Variants in CES5A observed in about 807,000 individuals in gnomAD.
CES5A encodes the protein carboxylesterase 5.
In CES5A, 67 loss-of-function variants were observed where a neutral mutation model predicts 62.9. The ratio of observed to expected loss-of-function variants is 1.07; its 90% confidence interval spans 0.88 to 1.31. CES5A has a LOEUF of 1.31. Ranked by LOEUF, CES5A falls within the 50% of genes most tolerant of loss-of-function variation. The pLI, the probability that CES5A is intolerant of heterozygous loss-of-function variation, is 0.00. For missense variants in CES5A, 748 were observed against 708.5 expected, an observed-to-expected ratio of 1.06 and a Z score of -0.63; for synonymous variants, 296 against 280.8, an observed-to-expected ratio of 1.05 and a Z score of -0.54.
chr16:55,871,882 A>G (rs2033597295), intron 2 of CES5A, 119 bp from the exon 3 acceptor site: 2 of 1,012,054 alleles, frequency 2.0e-6, no homozygotes, highest in South Asian at 1.6e-5. Flanking sequence ...CAGAAGAGGC[A>G]GCTACCGGTA....
Position 55,871,706 on chromosome 16 carries a change from G to A in CES5A, c.336C>T (p.Tyr112=), listed in dbSNP as rs758432457. The change falls in exon 3 of 13, where the codon TAC becomes TAT. Residue 112 remains tyrosine, a synonymous_variant. Coordinates refer to ENST00000290567, the MANE Select transcript of CES5A (RefSeq NM_001143685.2). ...LLDQHMLKVH[Y]PKFGVSEDCL... is the part of the protein sequence containing the mutation. ...AGTCTTCTGACACTCCGAATTTCGGGTAATGCACCTTGAGCATATGTTGAT... is the reference window on the plus strand; with the variant it reads ...AGTCTTCTGACACTCCGAATTTCGGATAATGCACCTTGAGCATATGTTGAT... 3.1e-6 allele frequency: 5 copies of A among 1,614,028 alleles called. No individual in the cohort carries two copies. The Admixed American group carries it at 8.3e-5, about 27-fold the overall frequency.
chr16:55,903,468 A>G (rs1434760972), intron 1 of CES5A, among the ~76,000 whole-genome samples: 2 of 152,216 alleles, frequency 1.3e-5, no homozygotes, highest in East Asian at 3.8e-4. Flanking sequence ...TTCTGCCATT[A>G]TGAGTATTTT....
intron 11 of CES5A, among the ~76,000 whole-genome samples, chr16:55,848,552 A>C (rs981605669): frequency 2.0e-5 from 3 of 152,002 alleles, no homozygotes; most frequent in African/African-American, 4.8e-5. Flanking sequence ...CTTGCTAAGG[A>C]TGGTCTGCAG....
intron 2 of CES5A, among the ~76,000 whole-genome samples, chr16:55,931,036 C>T (rs1266105083): frequency 1.3e-5 from 2 of 152,192 alleles, no homozygotes; most frequent in Non-Finnish European, 2.9e-5. Context: ...CCCAAAACCC[C>T]ATTTTCCATA....
rs141262535 is a variant in CES5A at position 55,871,843 on chromosome 16, G to A, written c.279-80C>T. The A allele has an allele frequency of 1.7e-4, 257 of 1,497,200 alleles. 2 individuals carry two copies. In the East Asian group the frequency reaches 4.9e-3, roughly 29 times the overall value. The allele number at this position is 1,497,200 out of a possible 1,614,324, so 92.7% of individuals were successfully genotyped here. A position where few individuals can be genotyped will look rare whatever the true frequency, so the allele number is the denominator to read the frequency against. ...GGAAGGGCCAGTTCTTCTGACAGCG[G>A]GGAGGCCTGGCCGTCTCCTCTGCCT... On this transcript the variant is annotated intron_variant, in intron 2 of 12. Coordinates refer to ENST00000290567, the MANE Select transcript of CES5A (RefSeq NM_001143685.2).
At chr16:55,866,243 G>A (rs1811108779) in intron 4 of CES5A, 127 bp from the exon 5 acceptor site, 3 of 778,438 alleles carry the variant, frequency 3.9e-6, no homozygotes, top group Non-Finnish European at 5.8e-6. Context: ...GAGGCCTGGA[G>A]GAGCTGGGGA....
intron 3 of CES5A, among the ~76,000 whole-genome samples, chr16:55,871,054 C>T (rs1176777836): frequency 6.6e-6 from 1 of 152,180 alleles, no homozygotes; most frequent in Non-Finnish European, 1.5e-5. Flanking sequence ...AGATCATGTA[C>T]TGTGCCTGGC....
intron 1 of CES5A, among the ~76,000 whole-genome samples, chr16:55,911,279 T>C (rs2034089682): frequency 6.6e-6 from 1 of 152,212 alleles, no homozygotes; most frequent in South Asian, 2.1e-4. Context: ...GCAATTTTCC[T>C]GTAAGTGAGT....
At chr16:55,848,658 A>G (rs2033066442) in intron 11 of CES5A, among the ~76,000 whole-genome samples, 1 of 152,144 alleles carries the variant, frequency 6.6e-6, no homozygotes, top group African/African-American at 2.4e-5. Flanking sequence ...TCTGTTACCC[A>G]GTTTTCAATT....
intron 2 of CES5A, among the ~76,000 whole-genome samples, chr16:55,948,435 C>T (rs185914090): frequency 1.4e-4 from 21 of 152,006 alleles, no homozygotes; most frequent in African/African-American, 4.8e-4. Context: ...AGGAAGAAGT[C>T]GAATATAAAT....
chr16:55,931,462 C>T (rs1241830698), intron 2 of CES5A, among the ~76,000 whole-genome samples: 1 of 152,206 alleles, frequency 6.6e-6, no homozygotes, highest in Non-Finnish European at 1.5e-5. Context: ...GTGCAATCTT[C>T]TTAGCCTGAC....
chr16:55,929,383 G>A (rs1331099127), upstream of CES5A, among the ~76,000 whole-genome samples: 1 of 152,150 alleles, frequency 6.6e-6, no homozygotes, highest in Non-Finnish European at 1.5e-5. Context: ...ATCCCCAGAA[G>A]AGGGGGCGAG....
At chr16:55,897,748 G>C (rs1161448424) in intron 1 of CES5A, among the ~76,000 whole-genome samples, 1 of 152,184 alleles carries the variant, frequency 6.6e-6, no homozygotes, top group Admixed American at 6.5e-5. Flanking sequence ...GATTTTAAAA[G>C]TTAATTTGCC....
At position 55,863,263 on chromosome 16, in the gene CES5A, G is replaced by A. The variant is rs1439161983; in HGVS notation, c.810+85C>T. 3 of 807,886 alleles carry A rather than the reference G, an allele frequency of 3.7e-6. No homozygotes were observed. In the African/African-American group the frequency reaches 5.0e-5, roughly 14 times the overall value. The allele number at this position is 807,886 out of a possible 1,614,324, so 50.0% of individuals were successfully genotyped here. On this transcript the variant is annotated intron_variant, in intron 6 of 12. Coordinates refer to ENST00000290567, the MANE Select transcript of CES5A (RefSeq NM_001143685.2). ...GCCTTGGGCATGGTCACTAAGGAAAGCCAAACACATGGTGAGAAGGTGCCT... is the reference window on the plus strand; with the variant it reads ...GCCTTGGGCATGGTCACTAAGGAAAACCAAACACATGGTGAGAAGGTGCCT...
At chr16:55,927,466 A>G (rs1210179350), upstream of CES5A, among the ~76,000 whole-genome samples, 4 of 152,244 alleles carry the variant, frequency 2.6e-5, no homozygotes. Context: ...ACATGAATAG[A>G]CATTTCTCAA....
intron 5 of CES5A, 75 bp downstream of exon 5, chr16:55,865,888 A>C: frequency 6.6e-7 from 1 of 1,521,288 alleles, no homozygotes. Context: ...GCAACAATCA[A>C]ATGTTAGTGA....
chr16:55,854,531 C>CTTTTTTTTTTCTTTTTTTTTTTTTTTTTT (rs1555479324), intron 9 of CES5A, among the ~76,000 whole-genome samples: 1 of 52,162 alleles, frequency 1.9e-5, no homozygotes, highest in Admixed American at 2.1e-4. Flanking sequence ...TGTAGTGTTT[C>CTTTTTTTTTTCTTTTTTTTTTTTTTTTTT]TTTTTTTTTT....
chr16:55,928,385 C>G (rs1236541702), upstream of CES5A, among the ~76,000 whole-genome samples: 2 of 152,014 alleles, frequency 1.3e-5, no homozygotes, highest in African/African-American at 4.8e-5. Flanking sequence ...CAAAGGCATA[C>G]AAAGTGGTAT....
intron 1 of CES5A, among the ~76,000 whole-genome samples, chr16:55,953,147 A>G (rs2034576200): frequency 6.6e-6 from 1 of 152,224 alleles, no homozygotes; most frequent in Admixed American, 6.5e-5. Flanking sequence ...CTAAAATTTA[A>G]TGTAATTTAA....
Sources: allele counts gnomAD v4.1 joint callset (sites outside exome capture counted in the v4.1 genomes callset), GRCh38; gene constraint gnomAD v4.1.1; transcripts MANE v1.5; gene names NCBI Gene and HGNC (gene_info 2026-07-23, HGNC 2026-07-21).